PPA2: variants seen among roughly 807,000 people sequenced by gnomAD.
The protein encoded by PPA2 is inorganic pyrophosphatase 2, mitochondrial.
PPA2 carries 48 observed loss-of-function variants against 49.5 expected under a neutral mutation model. The observed-to-expected ratio is 0.97, with a 90% CI of 0.77 to 1.23. The LOEUF (loss-of-function observed/expected upper bound fraction) is 1.23. Ranked by LOEUF, PPA2 falls within the 50% of genes most tolerant of loss-of-function variation. PPA2 has a pLI of 0.00. For missense variants in PPA2, 429 were observed against 410.1 expected (o/e 1.05, Z -0.40); for synonymous variants, 131 against 139.9 (o/e 0.94, Z 0.45).
chr4:105,437,402 A>G (rs1724114797), intron 6 of PPA2, among the ~76,000 whole-genome samples: 1 of 152,180 alleles, frequency 6.6e-6, no homozygotes, highest in Admixed American at 6.5e-5. Context: ...CATATAGAAG[A>G]ATTGATGGGG....
At chr4:105,372,954 A>G (rs1028692034) in intron 10 of PPA2, among the ~76,000 whole-genome samples, 2 of 152,210 alleles carry the variant, frequency 1.3e-5, no homozygotes, top group African/African-American at 4.8e-5. Context: ...TTTTCTTTAT[A>G]TCAAAGAAAA....
At chr4:105,419,754 AAAAAT>A (rs1399846777) in intron 7 of PPA2, among the ~76,000 whole-genome samples, 25 of 151,964 alleles carry the variant, frequency 1.6e-4, no homozygotes, top group Non-Finnish European at 5.9e-5. Flanking sequence ...TTATATCAAA[AAAAAT>A]AAAAGTTATT....
intron 1 of PPA2, among the ~76,000 whole-genome samples, chr4:105,466,444 A>C (rs1414455646): frequency 6.6e-6 from 1 of 152,114 alleles, no homozygotes; most frequent in Non-Finnish European, 1.5e-5. Context: ...TATAAAGATA[A>C]AGGAAAACAA....
At chr4:105,398,230 C>T (rs1298420312) in intron 8 of PPA2, 1 of 151,626 alleles carries the variant, frequency 6.6e-6, no homozygotes, top group Non-Finnish European at 1.5e-5. Context: ...ATTTTCAATC[C>T]TTTAAGATAA....
rs747200413 is a variant in PPA2, at chr4:105,396,288, G to T, written c.830C>A (p.Ala277Glu). The part of the protein sequence containing the change: ...VIKSTHQCWK[A>E]LLMKKCNGGA... The stretch of plus-strand genomic sequence containing the variant: ...TCCATTACACTTCTTCATAAGCAAT[G>T]CTTTCCAACATTGATGAGTGGATTT... Residue 277 changes from alanine to glutamate, a missense_variant, in exon 9 of 12, where the codon GCA (alanine) becomes GAA (glutamate). Transcript: ENST00000341695. 3.1e-6 allele frequency: 5 copies of T among 1,597,980 alleles called. No homozygotes were observed. Among genetic ancestry groups the T allele is most frequent in the Non-Finnish European group, 4.3e-6 (5 of 1,172,890 alleles).
intron 4 of PPA2, chr4:105,447,926 A>C: frequency 4.7e-6 from 1 of 214,298 alleles, no homozygotes; most frequent in South Asian, 5.5e-5. Context: ...TTGTATATTT[A>C]GTAGAGATGG....
intron 7 of PPA2, chr4:105,404,984 G>A (rs1217097844): frequency 3.2e-5 from 5 of 158,448 alleles, no homozygotes; most frequent in Non-Finnish European, 6.8e-5. Flanking sequence ...TCGGGAGGCT[G>A]AGGCAGGAGA....
chr4:105,464,050 C>T (rs544692839), intron 1 of PPA2, among the ~76,000 whole-genome samples: 12 of 152,294 alleles, frequency 7.9e-5, no homozygotes, highest in African/African-American at 2.9e-4. Flanking sequence ...AATGGTAGAT[C>T]CACCAATAGC....
At chr4:105,441,772 T>C (rs1406982410) in intron 5 of PPA2, among the ~76,000 whole-genome samples, 3 of 152,206 alleles carry the variant, frequency 2.0e-5, no homozygotes, top group African/African-American at 4.8e-5. Flanking sequence ...ATTATTGTTA[T>C]ACCCTAAAAC....
intron 10 of PPA2, among the ~76,000 whole-genome samples, chr4:105,378,189 C>T (rs983542128): frequency 6.6e-6 from 1 of 152,072 alleles, no homozygotes; most frequent in Non-Finnish European, 1.5e-5. Context: ...GTAGTTCCTC[C>T]ACGTCCTTGT....
intron 7 of PPA2, among the ~76,000 whole-genome samples, chr4:105,420,307 T>TA (rs1723195823): frequency 6.6e-6 from 1 of 152,162 alleles, no homozygotes; most frequent in Non-Finnish European, 1.5e-5. Context: ...GAAGTCACAC[T>TA]ACGTTGCTCA....
At chr4:105,420,654 A>C (rs888644893) in intron 7 of PPA2, among the ~76,000 whole-genome samples, 2 of 149,230 alleles carry the variant, frequency 1.3e-5, no homozygotes, top group Admixed American at 6.6e-5. Flanking sequence ...TTGTAATAGA[A>C]ATTTCAATTT....
intron 10 of PPA2, among the ~76,000 whole-genome samples, chr4:105,383,284 C>T (rs779229959): frequency 2.6e-5 from 4 of 152,128 alleles, no homozygotes; most frequent in Non-Finnish European, 4.4e-5. Context: ...CAGATCTATC[C>T]TTCTAAAGAT....
intron 7 of PPA2, among the ~76,000 whole-genome samples, chr4:105,414,320 C>G (rs886494720): frequency 6.6e-6 from 1 of 152,208 alleles, no homozygotes. Flanking sequence ...CTTCAGCTGT[C>G]GCTTTTCCAG....
At chr4:105,435,941 TG>T (rs1724034406) in intron 6 of PPA2, among the ~76,000 whole-genome samples, 1 of 152,016 alleles carries the variant, frequency 6.6e-6, no homozygotes. Flanking sequence ...AACATAGTAC[TG>T]GAAGTCCTAG....
intron 7 of PPA2, among the ~76,000 whole-genome samples, chr4:105,418,543 A>G (rs1251746435): frequency 6.6e-6 from 1 of 152,234 alleles, no homozygotes; most frequent in African/African-American, 2.4e-5. Flanking sequence ...ATGCCGGCCT[A>G]TGAAAATGTC....
chr4:105,417,908 T>G (rs1474738281), intron 7 of PPA2, among the ~76,000 whole-genome samples: 1 of 152,198 alleles, frequency 6.6e-6, no homozygotes, highest in Non-Finnish European at 1.5e-5. Context: ...GAACATGGAC[T>G]CTGGAGCCAG....
intron 7 of PPA2, among the ~76,000 whole-genome samples, chr4:105,399,816 TTACC>T (rs1239932071): frequency 3.3e-5 from 5 of 152,216 alleles, no homozygotes; most frequent in African/African-American, 1.2e-4. Flanking sequence ...GCAGTTTCAG[TTACC>T]TACAGTCAAC....
chr4:105,409,229 G>A (rs1203500653), intron 7 of PPA2, among the ~76,000 whole-genome samples: 1 of 152,210 alleles, frequency 6.6e-6, no homozygotes, highest in Non-Finnish European at 1.5e-5. Flanking sequence ...CTTCACAACT[G>A]GCAGACCATG....
Sources: allele counts gnomAD v4.1 joint callset (sites outside exome capture counted in the v4.1 genomes callset), GRCh38; gene constraint gnomAD v4.1.1; transcripts MANE v1.5; gene names NCBI Gene and HGNC (gene_info 2026-07-23, HGNC 2026-07-21).